Variants in FARP1 observed in about 807,000 individuals in gnomAD.
FARP1 encodes the protein FERM, ARHGEF and pleckstrin domain-containing protein 1.
In FARP1, 52 loss-of-function variants were observed where a neutral mutation model predicts 128.8. That is an observed-to-expected ratio of 0.40 (90% CI 0.32 to 0.51). The LOEUF is 0.51. FARP1 is among the 20% of genes least tolerant of loss of function. The probability of loss-of-function intolerance (pLI) is 0.45; values close to 1 mark genes in which losing one functional copy is unlikely to be tolerated. For synonymous variants in FARP1, 580 were observed against 551.8 expected, an observed-to-expected ratio of 1.05 and a Z score of -0.72; for missense variants, 1,333 against 1,367.9, an observed-to-expected ratio of 0.97 and a Z score of 0.40.
At chr13:98,238,126 G>C (rs1882537893) in intron 2 of FARP1, among the ~76,000 whole-genome samples, 1 of 152,188 alleles carries the variant, frequency 6.6e-6, no homozygotes, top group Non-Finnish European at 1.5e-5. Flanking sequence ...ATGTTAAGAT[G>C]ACAGGAGAAG....
intron 2 of FARP1, among the ~76,000 whole-genome samples, chr13:98,275,318 G>A (rs1884584138): frequency 6.7e-6 from 1 of 148,248 alleles, no homozygotes; most frequent in Non-Finnish European, 1.5e-5. Context: ...TAGAATAGGT[G>A]GCAGTGAATG....
intron 2 of FARP1, among the ~76,000 whole-genome samples, chr13:98,311,468 C>T (rs1886456171): frequency 1.3e-5 from 2 of 152,332 alleles, no homozygotes; most frequent in South Asian, 4.1e-4. Context: ...ATTTTAGTAT[C>T]TTTTAATTTC....
At chr13:98,340,268 T>C (rs1323184924) in intron 2 of FARP1, among the ~76,000 whole-genome samples, 1 of 152,174 alleles carries the variant, frequency 6.6e-6, no homozygotes, top group Non-Finnish European at 1.5e-5. Flanking sequence ...TGTTAAGAGT[T>C]ATGAGAAAGA....
At chr13:98,414,923 G>C (rs189687225) in intron 16 of FARP1, among the ~76,000 whole-genome samples, 81 of 152,342 alleles carry the variant, frequency 5.3e-4, no homozygotes, top group East Asian at 5.8e-4. Context: ...AAGGGCATAC[G>C]CATCTTCTTA....
At chr13:98,342,475 G>T (rs1888011345) in intron 2 of FARP1, among the ~76,000 whole-genome samples, 1 of 152,106 alleles carries the variant, frequency 6.6e-6, no homozygotes, top group Non-Finnish European at 1.5e-5. Context: ...GAGGCAGGTG[G>T]ATCACCTGAA....
At chr13:98,350,141 C>CATCT (rs978101518) in intron 3 of FARP1, among the ~76,000 whole-genome samples, 22 of 152,144 alleles carry the variant, frequency 1.4e-4, no homozygotes, top group African/African-American at 5.3e-4. Context: ...GGGGCAGCAC[C>CATCT]ATCTAATGGT....
At chr13:98,314,336 C>T (rs1289506161) in intron 2 of FARP1, among the ~76,000 whole-genome samples, 2 of 121,292 alleles carry the variant, frequency 1.6e-5, no homozygotes, top group South Asian at 5.5e-4. Context: ...CTGGAGTGCA[C>T]TGGCGCAATC....
intron 1 of FARP1, among the ~76,000 whole-genome samples, chr13:98,156,714 G>T (rs1876519319): frequency 6.6e-6 from 1 of 151,778 alleles, no homozygotes; most frequent in South Asian, 2.1e-4. Context: ...TATAATCTGG[G>T]TTTTTTAAAT....
intron 24 of FARP1, among the ~76,000 whole-genome samples, chr13:98,441,092 C>A (rs553431266): frequency 6.6e-6 from 1 of 152,372 alleles, no homozygotes; most frequent in East Asian, 1.9e-4. Context: ...GTCCTATTGC[C>A]ATCCACAAGG....
At chr13:98,187,591 T>A (rs1321720545) in intron 1 of FARP1, among the ~76,000 whole-genome samples, 1 of 152,222 alleles carries the variant, frequency 6.6e-6, no homozygotes, top group East Asian at 1.9e-4. Flanking sequence ...TTACAGGGCC[T>A]TGAATGTCAG....
chr13:98,222,637 T>C (rs1881484339), intron 2 of FARP1, among the ~76,000 whole-genome samples: 1 of 151,798 alleles, frequency 6.6e-6, no homozygotes, highest in Non-Finnish European at 1.5e-5. Context: ...TTTTTTTGTT[T>C]TTTGAGACGG....
At chr13:98,361,094 G>C (rs1319711078) in intron 3 of FARP1, among the ~76,000 whole-genome samples, 1 of 152,158 alleles carries the variant, frequency 6.6e-6, no homozygotes, top group Non-Finnish European at 1.5e-5. Flanking sequence ...CACTGCAGTT[G>C]AGTGGCAACC....
At chr13:98,284,115 G>C (rs754679896) in intron 2 of FARP1, among the ~76,000 whole-genome samples, 3 of 152,146 alleles carry the variant, frequency 2.0e-5, no homozygotes, top group Admixed American at 6.5e-5. Flanking sequence ...CATGGCCCAG[G>C]ATGGCTTTGA....
chr13:98,356,760 T>C (rs1888662451), intron 3 of FARP1, among the ~76,000 whole-genome samples: 1 of 151,870 alleles, frequency 6.6e-6, no homozygotes, highest in Non-Finnish European at 1.5e-5. Flanking sequence ...TGCCTCAGCC[T>C]CCTAACTGGG....
At chr13:98,232,154 T>G (rs1246629602) in intron 2 of FARP1, among the ~76,000 whole-genome samples, 2 of 147,946 alleles carry the variant, frequency 1.4e-5, no homozygotes, top group African/African-American at 2.5e-5. Flanking sequence ...GGTTTTTTTT[T>G]TTTTTTTTTT....
At position 98,454,996 on chromosome 13, in the gene FARP1, G is replaced by A. The variant is rs1566340199; in HGVS notation, c.*6679G>A. 6.6e-6 allele frequency: 1 copy of A among 152,206 alleles called. No homozygotes were observed. Among genetic ancestry groups the A allele is most frequent in the Non-Finnish European group, 1.5e-5 (1 of 68,050 alleles). The allele number at this position is 152,206 out of a possible 1,614,324, so 9.4% of individuals were successfully genotyped here. A position where few individuals can be genotyped will look rare whatever the true frequency, so the allele number is the denominator to read the frequency against. On this transcript the variant is annotated 3_prime_UTR_variant, in exon 27 of 27. Transcript: ENST00000319562. The stretch of plus-strand genomic sequence containing the variant: ...CTACAGACCCGCCCGAGGGTAAATA[G>A]GGTCAACCCCAGCCACGATGCCCAG...
intron 6 of FARP1, among the ~76,000 whole-genome samples, chr13:98,378,387 A>G (rs1295004687): frequency 1.3e-5 from 2 of 152,216 alleles, no homozygotes; most frequent in Non-Finnish European, 2.9e-5. Context: ...TGGACCCTAG[A>G]TATTTTAATT....
At chr13:98,188,158 A>T (rs1446138076) in intron 1 of FARP1, among the ~76,000 whole-genome samples, 1 of 152,150 alleles carries the variant, frequency 6.6e-6, no homozygotes, top group Non-Finnish European at 1.5e-5. Context: ...GTGGGGCCGA[A>T]CACCCCTCGC....
At chr13:98,356,824 A>G (rs1336253100) in intron 3 of FARP1, among the ~76,000 whole-genome samples, 25 of 151,790 alleles carry the variant, frequency 1.6e-4, no homozygotes, top group African/African-American at 5.8e-4. Flanking sequence ...TAGTAGAGAC[A>G]GAGTTTCACC....
Sources: allele counts gnomAD v4.1 joint callset (sites outside exome capture counted in the v4.1 genomes callset), GRCh38; gene constraint gnomAD v4.1.1; transcripts MANE v1.5; gene names NCBI Gene and HGNC (gene_info 2026-07-23, HGNC 2026-07-21).